Variants in ITGB1BP1 observed in about 807,000 individuals in gnomAD.
The protein encoded by ITGB1BP1 is integrin subunit beta 1 binding protein 1.
In ITGB1BP1, 20 loss-of-function variants were observed where a neutral mutation model predicts 28.0. The observed-to-expected ratio is 0.71, with a 90% CI of 0.50 to 1.04. The LOEUF (loss-of-function observed/expected upper bound fraction) is 1.04. Among genes scored for constraint, ITGB1BP1 ranks in the 50% least tolerant of loss-of-function variants. The probability of loss-of-function intolerance (pLI) is 0.00; values close to 1 mark genes in which losing one functional copy is unlikely to be tolerated. For missense variants in ITGB1BP1, 228 were observed against 242.5 expected (o/e 0.94, Z 0.40); for synonymous variants, 103 against 89.5 (o/e 1.15, Z -0.85).
chr2:9,423,515 G>A lies in ITGB1BP1; in HGVS notation c.-178C>T, dbSNP rs1680174492. 1 of 1,176,804 alleles carries A rather than the reference G, an allele frequency of 8.5e-7. No homozygotes were observed. The highest frequency in any genetic ancestry group is 1.1e-6 in the Non-Finnish European group (1 of 917,804). 72.9% of individuals were successfully genotyped at this position (1,176,804 alleles called of 1,614,324 possible). A position where few individuals can be genotyped will look rare whatever the true frequency, so the allele number is the denominator to read the frequency against. Reference sequence around the variant, plus strand: ...CTCCTGCCCACGTCCGCCGGGCCGCGCCTCCAAGACTATGCGCAGGCGCAG... The same window carrying A: ...CTCCTGCCCACGTCCGCCGGGCCGCACCTCCAAGACTATGCGCAGGCGCAG... On this transcript the variant is annotated 5_prime_UTR_variant, in exon 1 of 7. Transcript: ENST00000355346.
Position 9,415,238 on chromosome 2 carries a change from G to A in ITGB1BP1, c.73-982C>T, listed in dbSNP as rs1678970666. Reference sequence around the variant, plus strand: ...TACCAAAAATACAAAAATTAGCTGGGCATGGTGGCGGGCACTTATAATCCT... The same window carrying A: ...TACCAAAAATACAAAAATTAGCTGGACATGGTGGCGGGCACTTATAATCCT... On this transcript the variant is annotated intron_variant, in intron 2 of 6. Transcript: ENST00000355346. The surrounding 1 kb of genome is among the most constrained non-coding windows in gnomAD (Gnocchi z 4.1). Among the ~76,000 whole-genome samples the A allele has an allele frequency of 6.6e-6, 1 of 152,196 alleles. No individual in the cohort carries two copies. Among genetic ancestry groups the A allele is most frequent in the Non-Finnish European group, 1.5e-5 (1 of 68,034 alleles).
rs1403555110 is a variant in ITGB1BP1 at position 9,415,626 on chromosome 2, C to T, written c.73-1370G>A. Among the ~76,000 whole-genome samples, 1 of 152,128 alleles carries T rather than the reference C, an allele frequency of 6.6e-6. No homozygotes were observed. Among genetic ancestry groups the T allele is most frequent in the African/African-American group, 2.4e-5 (1 of 41,428 alleles). On this transcript the variant is annotated intron_variant, in intron 2 of 6. Coordinates refer to ENST00000355346, the MANE Select transcript of ITGB1BP1 (RefSeq NM_004763.5). The surrounding 1 kb of genome is among the most constrained non-coding windows in gnomAD (Gnocchi z 4.1). ...ACATTGGGCCACACAGATGAGATTT[C>T]CCTGTAGGGTCCCCACGCTTAAGGC...
chr2:9,408,458 G>A (rs367729683), intron 4 of ITGB1BP1: 2 of 347,670 alleles, frequency 5.8e-6, no homozygotes, highest in East Asian at 1.1e-4. Flanking sequence ...CATGATCTCA[G>A]CTCGTTGCAA....
intron 5 of ITGB1BP1, 85 bp downstream of exon 5, chr2:9,408,028 G>A: frequency 1.3e-6 from 1 of 750,738 alleles, no homozygotes; most frequent in Non-Finnish European, 2.3e-6. Context: ...GCAAACAGGA[G>A]TGGCCCTAAT....
intron 5 of ITGB1BP1, 81 bp downstream of exon 5, chr2:9,408,032 C>T (rs547886919): frequency 1.3e-6 from 1 of 771,198 alleles, no homozygotes; most frequent in African/African-American, 1.8e-5. Context: ...ACAGGAGTGG[C>T]CCTAATTATA....
chr2:9,410,596 C>A (rs1045016290), intron 4 of ITGB1BP1, among the ~76,000 whole-genome samples: 1 of 152,180 alleles, frequency 6.6e-6, no homozygotes, highest in East Asian at 1.9e-4. Flanking sequence ...TGCACCACCA[C>A]ACCCAGCTAA....
chr2:9,412,719 T>C (rs1038274916), intron 3 of ITGB1BP1: 4 of 182,524 alleles, frequency 2.2e-5, no homozygotes, highest in Admixed American at 6.2e-5. Context: ...GCATGGTATT[T>C]ACTTTTGGTT....
At chr2:9,421,753 G>A (rs1679888546) in intron 1 of ITGB1BP1, among the ~76,000 whole-genome samples, 1 of 151,784 alleles carries the variant, frequency 6.6e-6, no homozygotes, top group African/African-American at 2.4e-5. Context: ...GCGATTGGAT[G>A]CTCCGCAGGC....
chr2:9,417,834 T>C (rs1032369519), intron 2 of ITGB1BP1, among the ~76,000 whole-genome samples: 1 of 151,928 alleles, frequency 6.6e-6, no homozygotes, highest in African/African-American at 2.4e-5. Context: ...TGAAACTCTA[T>C]ATTTTACTTA....
At chr2:9,420,663 G>C (rs531639708) in intron 1 of ITGB1BP1, among the ~76,000 whole-genome samples, 1 of 152,150 alleles carries the variant, frequency 6.6e-6, no homozygotes, top group Non-Finnish European at 1.5e-5. Context: ...AAGGCTGTCC[G>C]GGAGCAGGAG....
chr2:9,408,395 T>A, intron 4 of ITGB1BP1, 190 bp from the exon 5 acceptor site: 1 of 551,366 alleles, frequency 1.8e-6, no homozygotes, highest in Non-Finnish European at 3.2e-6. Context: ...AAAAAGGTTA[T>A]TTTTATTTTT....
At chr2:9,407,952 A>G (rs1452261662) in intron 5 of ITGB1BP1, 161 bp downstream of exon 5, 8 of 599,114 alleles carry the variant, frequency 1.3e-5, no homozygotes, top group East Asian at 2.8e-5. Context: ...GGAAGCCCCT[A>G]TTCACCTTAA....
At chr2:9,421,095 T>C (rs768333422) in intron 1 of ITGB1BP1, among the ~76,000 whole-genome samples, 2 of 152,226 alleles carry the variant, frequency 1.3e-5, no homozygotes, top group Non-Finnish European at 2.9e-5. Context: ...ATGTGTAACA[T>C]ATTTAAACAT....
At chr2:9,411,833 G>C (rs909620453) in intron 4 of ITGB1BP1, among the ~76,000 whole-genome samples, 1 of 151,902 alleles carries the variant, frequency 6.6e-6, no homozygotes, top group African/African-American at 2.4e-5. Flanking sequence ...ACCTGAGGTC[G>C]GGAGTTCAAG....
chr2:9,411,112 T>A (rs1267718163), intron 4 of ITGB1BP1, among the ~76,000 whole-genome samples: 1 of 152,254 alleles, frequency 6.6e-6, no homozygotes, highest in Non-Finnish European at 1.5e-5. Context: ...GTACAGATTT[T>A]ATAACATTTC....
intron 4 of ITGB1BP1, among the ~76,000 whole-genome samples, chr2:9,409,039 C>T (rs549956833): frequency 7.2e-4 from 110 of 152,328 alleles, no homozygotes; most frequent in African/African-American, 2.5e-3. Flanking sequence ...CTCAGGGCTT[C>T]GGGCTGGCAA....
rs200781388 is a variant in ITGB1BP1 at position 9,421,686 on chromosome 2, C to CAAA, written c.-36+1684_-36+1686dup. ...TGGACGAAAGAGCGAGACTCCGTCT[C>CAAA]AAAAAAAAAAAAAAAAAATTATTCA... On this transcript the variant is annotated intron_variant, in intron 1 of 6. Transcript: ENST00000355346. 9.4e-3 allele frequency among the ~76,000 whole-genome samples: 739 copies of CAAA among 78,762 alleles called. 6 individuals are homozygous for CAAA. Among genetic ancestry groups the CAAA allele is most frequent in the African/African-American group, 0.03 (697 of 23,400 alleles). The allele number at this position is 78,762 out of a possible 152,430, so 51.7% of individuals were successfully genotyped here.
intron 4 of ITGB1BP1, among the ~76,000 whole-genome samples, chr2:9,410,836 C>A (rs754997880): frequency 6.6e-6 from 1 of 152,158 alleles, no homozygotes; most frequent in Non-Finnish European, 1.5e-5. Context: ...TCTGCCTCCC[C>A]CAAAATGCTG....
At chr2:9,416,476 TCTGCCTCCAG>T (rs1009178946) in intron 2 of ITGB1BP1, among the ~76,000 whole-genome samples, 3 of 151,816 alleles carry the variant, frequency 2.0e-5, no homozygotes, top group African/African-American at 7.3e-5. Context: ...AGGAGAAGAG[TCTGCCTCCAG>T]CTGCCTCCAG....
Sources: allele counts gnomAD v4.1 joint callset (sites outside exome capture counted in the v4.1 genomes callset), GRCh38; gene constraint gnomAD v4.1.1; non-coding constraint Gnocchi (gnomAD v3.1); transcripts MANE v1.5; gene names NCBI Gene and HGNC (gene_info 2026-07-23, HGNC 2026-07-21).